Variants in OR51B5 observed in about 807,000 individuals in gnomAD.
OR51B5 encodes olfactory receptor 51B5.
For missense variants in OR51B5, 456 were observed against 374.6 expected (o/e 1.22, Z -1.79); for synonymous variants, 186 against 144.8 (o/e 1.28, Z -2.04).
chr11:5,459,011 G>A (rs1407054205), intron 1 of OR51B5, among the ~76,000 whole-genome samples: 1 of 152,136 alleles, frequency 6.6e-6, no homozygotes, highest in South Asian at 2.1e-4. Flanking sequence ...TGGTAAAAGT[G>A]GACAGCCTTG....
intron 1 of OR51B5, among the ~76,000 whole-genome samples, chr11:5,428,168 C>G (rs1381769240): frequency 1.3e-5 from 2 of 150,840 alleles, no homozygotes; most frequent in Non-Finnish European, 2.9e-5. Flanking sequence ...GTAAATTTAT[C>G]ATAAAAAAAT....
intron 1 of OR51B5, among the ~76,000 whole-genome samples, chr11:5,476,362 C>G (rs1851305472): frequency 6.6e-6 from 1 of 152,108 alleles, no homozygotes; most frequent in Admixed American, 6.5e-5. Context: ...GTGACAACAC[C>G]AGCATTTGAA....
chr11:5,437,499 T>A (rs527470636), intron 1 of OR51B5, among the ~76,000 whole-genome samples: 1 of 152,184 alleles, frequency 6.6e-6, no homozygotes, highest in Admixed American at 6.5e-5. Flanking sequence ...AAGTTAAGGG[T>A]CTCCTCCAAA....
At chr11:5,345,682 GAT>G (rs1848979423), upstream of OR51B5, 1 of 152,084 alleles carries the variant, frequency 6.6e-6, no homozygotes, top group South Asian at 2.1e-4. Context: ...AAGTTAAAAA[GAT>G]GGTCGTATCC....
chr11:5,418,881 A>AAAAAG (rs1850284128), intron 1 of OR51B5, among the ~76,000 whole-genome samples: 1 of 140,644 alleles, frequency 7.1e-6, no homozygotes, highest in South Asian at 2.6e-4. Flanking sequence ...GTATTATAAA[A>AAAAAG]AAAAAAAAAG....
intron 1 of OR51B5, among the ~76,000 whole-genome samples, chr11:5,494,879 A>T (rs374541498): frequency 6.6e-6 from 1 of 152,220 alleles, no homozygotes; most frequent in East Asian, 1.9e-4. Context: ...TGAGAAACAG[A>T]GAACAGATAG....
At chr11:5,488,581 T>A in intron 1 of OR51B5, 2 of 751,636 alleles carry the variant, frequency 2.7e-6, no homozygotes, top group South Asian at 3.8e-5. Context: ...AAAAACAAAT[T>A]TTTTTAGTCT....
chr11:5,490,445 C>T (rs1851564744), intron 1 of OR51B5, among the ~76,000 whole-genome samples: 1 of 152,152 alleles, frequency 6.6e-6, no homozygotes, highest in Non-Finnish European at 1.5e-5. Flanking sequence ...TATTCTTTCA[C>T]TCCTCCCACA....
At chr11:5,355,698 T>G (rs548653131) in intron 1 of OR51B5, 1 of 152,114 alleles carries the variant, frequency 6.6e-6, no homozygotes, top group South Asian at 2.1e-4. Flanking sequence ...GTAAAAGTTA[T>G]GTTTTCAGTG....
chr11:5,354,811 G>A (rs1411606008), intron 1 of OR51B5: 1 of 197,458 alleles, frequency 5.1e-6, no homozygotes, highest in African/African-American at 2.4e-5. Context: ...ACAGTTTGAA[G>A]AATATGTCCA....
At chr11:5,390,102 A>T in intron 1 of OR51B5, 1 of 1,613,764 alleles carries the variant, frequency 6.2e-7, no homozygotes, top group South Asian at 1.1e-5. Context: ...CTCATCCTGC[A>T]CACAGTAGCA....
intron 1 of OR51B5, chr11:5,468,837 T>C (rs895941378): frequency 4.5e-6 from 2 of 443,226 alleles, no homozygotes; most frequent in Non-Finnish European, 9.1e-6. Context: ...CTGTTGATGG[T>C]AGTGTCTCCA....
Position 5,472,813 on chromosome 11 carries a change from T to A in OR51B5, n.84+32756A>T, listed in dbSNP as rs113191330. Among the ~76,000 whole-genome samples the A allele has an allele frequency of 6.0e-3, 916 of 152,292 alleles. 12 individuals are homozygous for A. Among genetic ancestry groups the A allele is most frequent in the Middle Eastern group, 0.017 (5 of 294 alleles). ...TTCTCACTGATTCTCAGATTAGGGT[T>A]CTTTCCAGTAAGCATACCACAACTT... On this transcript the variant is annotated intron_variant and non_coding_transcript_variant, in intron 1 of 4. Coordinates refer to the OR51B5 transcript ENST00000415970.
chr11:5,461,078 T>C (rs1434172248), intron 1 of OR51B5, among the ~76,000 whole-genome samples: 1 of 152,062 alleles, frequency 6.6e-6, no homozygotes, highest in Non-Finnish European at 1.5e-5. Flanking sequence ...GGGGCACGTG[T>C]GTGCTGGCTG....
chr11:5,419,045 T>C (rs1313595077), intron 1 of OR51B5, among the ~76,000 whole-genome samples: 1 of 152,160 alleles, frequency 6.6e-6, no homozygotes, highest in Admixed American at 6.5e-5. Flanking sequence ...TATCCTAGTA[T>C]GACATCTGAG....
At chr11:5,382,369 C>T (rs1029527545) in intron 1 of OR51B5, among the ~76,000 whole-genome samples, 1 of 152,136 alleles carries the variant, frequency 6.6e-6, no homozygotes, top group Non-Finnish European at 1.5e-5. Context: ...CCTTCCCTGG[C>T]CCTCACCTGT....
chr11:5,446,713 C>T (rs1850768917), intron 1 of OR51B5, among the ~76,000 whole-genome samples: 1 of 152,148 alleles, frequency 6.6e-6, no homozygotes, highest in Non-Finnish European at 1.5e-5. Context: ...CCCTGCCATG[C>T]CTATATCCCA....
chr11:5,346,069 C>T (rs997377654), upstream of OR51B5, among the ~76,000 whole-genome samples: 1 of 152,158 alleles, frequency 6.6e-6, no homozygotes, highest in African/African-American at 2.4e-5. Flanking sequence ...GCAATAATCT[C>T]CTTTAACCTA....
intron 1 of OR51B5, among the ~76,000 whole-genome samples, chr11:5,401,041 C>G (rs2647587): frequency 0.16 from 24,746 of 152,096 alleles, 2,517 homozygotes; most frequent in African/African-American, 0.3. Context: ...TTCAGAGGTC[C>G]TTCCTACCAT....
Sources: allele counts gnomAD v4.1 joint callset (sites outside exome capture counted in the v4.1 genomes callset), GRCh38; gene constraint gnomAD v4.1.1; transcripts MANE v1.5; gene names NCBI Gene and HGNC (gene_info 2026-07-23, HGNC 2026-07-21).